The following RP1 variants were observed in gnomAD, a reference collection of about 807,000 sequenced individuals.
RP1 encodes the protein oxygen-regulated protein 1.
In RP1, 16 loss-of-function variants were observed where a neutral mutation model predicts 14.8. The observed-to-expected ratio is 1.08, with a 90% CI of 0.73 to 1.65. The LOEUF (loss-of-function observed/expected upper bound fraction) is 1.65. RP1 is among the 40% of genes most tolerant of loss of function. The pLI, the probability that RP1 is intolerant of heterozygous loss-of-function variation, is 0.00. For missense variants in RP1, 2,631 were observed against 2,535.0 expected, an observed-to-expected ratio of 1.04 and a Z score of -0.81; for synonymous variants, 876 against 883.6, an observed-to-expected ratio of 0.99 and a Z score of 0.15.
chr8:54,854,258 T>C lies in RP1; in HGVS notation c.3990+1530T>C, dbSNP rs549912984. Among the ~76,000 whole-genome samples, 27 of 152,252 alleles carry C rather than the reference T, an allele frequency of 1.8e-4. No individual in the cohort carries two copies. The South Asian group carries it at 4.8e-3, about 27-fold the overall frequency. On this transcript the variant is annotated intron_variant, in intron 26 of 28. Coordinates refer to the RP1 transcript ENST00000637698. ...TTACAGTACCAGGTATCAAGACTTATGAAATTAAGGTAATTAAGACAGCAT... is the reference window on the plus strand; with the variant it reads ...TTACAGTACCAGGTATCAAGACTTACGAAATTAAGGTAATTAAGACAGCAT...
At position 54,628,831 on chromosome 8, in the gene RP1, C is replaced by A; in HGVS notation, c.4949C>A (p.Ser1650Tyr). 1 of 1,614,032 alleles carries A rather than the reference C, an allele frequency of 6.2e-7. No individual in the cohort carries two copies. Among genetic ancestry groups the A allele is most frequent in the Non-Finnish European group, 8.5e-7 (1 of 1,179,962 alleles). ...DIIKPSFFPG[S>Y]TRKSQVCPYN... ...ATCAAACCATCTTTTTTTCCTGGGT[C>A]TACCCGCAAATCTCAGGTTTGTCCT... The change falls in exon 4 of 4, where the codon TCT becomes TAT. Residue 1650 changes from serine (S) to tyrosine (Y), a missense_variant. By Grantham distance (144) the Ser-to-Tyr change is moderately radical. Coordinates refer to ENST00000220676, the MANE Select transcript of RP1 (RefSeq NM_006269.2).
At chr8:54,741,799 G>T (rs1451970991) in intron 19 of RP1, among the ~76,000 whole-genome samples, 1 of 136,960 alleles carries the variant, frequency 7.3e-6, no homozygotes, top group Admixed American at 7.6e-5. Flanking sequence ...TGCTATGTAT[G>T]CACTTTGAGA....
intron 19 of RP1, among the ~76,000 whole-genome samples, chr8:54,740,677 A>T (rs1019494769): frequency 6.6e-6 from 1 of 151,618 alleles, no homozygotes; most frequent in Non-Finnish European, 1.5e-5. Context: ...AGCCAAGATC[A>T]CACCACTGCG....
chr8:54,869,978 C>G, exon 29 of RP1: 1 of 952,362 alleles, frequency 1.1e-6, no homozygotes, highest in Non-Finnish European at 1.4e-6. Context: ...CAATATGCTT[C>G]AAAAGGCTAT....
chr8:54,626,103 A>C lies in RP1; in HGVS notation c.2221A>C (p.Asn741His). Residue 741 changes from asparagine to histidine, a missense_variant, in exon 4 of 4, where the codon AAT (asparagine) becomes CAT (histidine). Asn to His is a moderately conservative substitution (Grantham distance 68). Transcript: ENST00000220676. Reference protein sequence around the residue: ...LQKSDTVIESNTFCSKSNLNS... With the variant: ...LQKSDTVIESHTFCSKSNLNS... ...GAAAAGTGATACTGTAATTGAATCA[A>C]ATACTTTTTGTTCCAAAAGTAATCT... 2.5e-6 allele frequency: 4 copies of C among 1,613,590 alleles called. No individual in the cohort carries two copies. The highest frequency in any genetic ancestry group is 3.4e-6 in the Non-Finnish European group (4 of 1,179,784).
At chr8:54,718,639 G>T (rs1352407932) in intron 15 of RP1, among the ~76,000 whole-genome samples, 1 of 152,062 alleles carries the variant, frequency 6.6e-6, no homozygotes, top group East Asian at 1.9e-4. Flanking sequence ...TGTAAATTTT[G>T]GTACATTGGT....
chr8:54,704,030 C>A (rs1297933983), intron 14 of RP1, among the ~76,000 whole-genome samples: 1 of 152,140 alleles, frequency 6.6e-6, no homozygotes, highest in Non-Finnish European at 1.5e-5. Context: ...CTAAAACTTT[C>A]CCCATATCAG....
At chr8:54,742,294 A>T (rs1181005050) in intron 19 of RP1, among the ~76,000 whole-genome samples, 1 of 152,176 alleles carries the variant, frequency 6.6e-6, no homozygotes, top group African/African-American at 2.4e-5. Flanking sequence ...TCAGGTTTAA[A>T]ATTTGGAATA....
At chr8:54,797,917 T>A (rs1810614449) in intron 24 of RP1, among the ~76,000 whole-genome samples, 1 of 151,578 alleles carries the variant, frequency 6.6e-6, no homozygotes, top group Non-Finnish European at 1.5e-5. Context: ...ATGGTTTTTA[T>A]TGTAAAATTT....
intron 1 of RP1, among the ~76,000 whole-genome samples, chr8:54,586,574 G>T (rs527560425): frequency 8.5e-4 from 129 of 152,264 alleles, no homozygotes; most frequent in African/African-American, 2.7e-3. Context: ...CCTTTTGTTT[G>T]GCTATGCCCT....
At chr8:54,669,574 A>G (rs1807099970) in intron 7 of RP1, among the ~76,000 whole-genome samples, 2 of 152,230 alleles carry the variant, frequency 1.3e-5, no homozygotes, top group African/African-American at 2.4e-5. Context: ...AGACACGTGC[A>G]CACGTATGTT....
intron 24 of RP1, among the ~76,000 whole-genome samples, chr8:54,785,808 C>T (rs1810304741): frequency 1.3e-5 from 2 of 152,098 alleles, no homozygotes; most frequent in African/African-American, 4.8e-5. Flanking sequence ...TTTTCATATG[C>T]TTATTGGCCA....
At chr8:54,826,199 G>C (rs1013607297) in intron 24 of RP1, among the ~76,000 whole-genome samples, 2 of 152,214 alleles carry the variant, frequency 1.3e-5, no homozygotes, top group Non-Finnish European at 2.9e-5. Flanking sequence ...TGAGAAGCTG[G>C]CATTTGAGCA....
chr8:54,651,011 G>A lies in RP1; in HGVS notation c.952-1769G>A, dbSNP rs190073534. On this transcript the variant is annotated intron_variant, in intron 4 of 22. Coordinates refer to the RP1 transcript ENST00000636932. Reference sequence around the variant, plus strand: ...GAAAGGGCATTTGATTTTGTCAAATGTGCATGTGTGTGTGTGTGTCAGGGG... The same window carrying A: ...GAAAGGGCATTTGATTTTGTCAAATATGCATGTGTGTGTGTGTGTCAGGGG... 4.0e-3 allele frequency among the ~76,000 whole-genome samples: 612 copies of A among 151,844 alleles called. 2 individuals are homozygous for A. The highest frequency in any genetic ancestry group is 6.5e-3 in the Non-Finnish European group (440 of 67,960).
chr8:54,688,778 AT>A (rs1807632037), intron 12 of RP1, among the ~76,000 whole-genome samples: 2 of 152,204 alleles, frequency 1.3e-5, no homozygotes, highest in East Asian at 3.9e-4. Context: ...TTGGCTTAGG[AT>A]TGTCTTGGCA....
chr8:54,866,645 A>C (rs1215803908), intron 28 of RP1, among the ~76,000 whole-genome samples: 1 of 152,224 alleles, frequency 6.6e-6, no homozygotes, highest in Admixed American at 6.5e-5. Flanking sequence ...CCATTTGATC[A>C]GTCATTATGC....
intron 6 of RP1, among the ~76,000 whole-genome samples, chr8:54,658,646 G>T (rs1000073643): frequency 6.6e-6 from 1 of 151,374 alleles, no homozygotes; most frequent in African/African-American, 2.4e-5. Context: ...CATTAGGCTT[G>T]CTTCCACCTT....
At chr8:54,624,427 G>A (rs1436380464) in intron 3 of RP1, among the ~76,000 whole-genome samples, 2 of 108,682 alleles carry the variant, frequency 1.8e-5, no homozygotes, top group Admixed American at 2.9e-4. Context: ...CCTGGTGACA[G>A]AGCGAGACTC....
intron 14 of RP1, among the ~76,000 whole-genome samples, chr8:54,702,156 C>T (rs750239186): frequency 7.9e-5 from 12 of 152,188 alleles, no homozygotes; most frequent in South Asian, 2.1e-4. Flanking sequence ...TTTCACCACA[C>T]GGTGAGACTA....
Sources: allele counts gnomAD v4.1 joint callset (sites outside exome capture counted in the v4.1 genomes callset), GRCh38; gene constraint gnomAD v4.1.1; transcripts MANE v1.5; gene names NCBI Gene and HGNC (gene_info 2026-07-23, HGNC 2026-07-21).